Variants in ZNF644 observed in about 807,000 individuals in gnomAD.
ZNF644 encodes zinc finger protein 644, also known as zinc finger motif enhancer binding protein 2.
A neutral mutation model predicts 108.0 loss-of-function variants in ZNF644; 20 were observed. The observed-to-expected ratio is 0.19, with a 90% CI of 0.13 to 0.27. The LOEUF is 0.27. ZNF644 is among the 10% of genes least tolerant of loss of function. The pLI, the probability that ZNF644 is intolerant of heterozygous loss-of-function variation, is 1.00. For missense variants in ZNF644, 1,338 were observed against 1,548.9 expected (o/e 0.86, Z 2.29); for synonymous variants, 542 against 539.1 (o/e 1.01, Z -0.08).
chr1:90,962,241 CATT>C (rs202091579), intron 2 of ZNF644, among the ~76,000 whole-genome samples: 4 of 147,402 alleles, frequency 2.7e-5, no homozygotes, highest in Admixed American at 6.7e-5. Flanking sequence ...GATATAAAGA[CATT>C]ATTATTATTA....
intron 2 of ZNF644, among the ~76,000 whole-genome samples, chr1:90,971,821 C>A (rs939590743): frequency 6.6e-6 from 1 of 152,160 alleles, no homozygotes; most frequent in South Asian, 2.1e-4. Context: ...AGTCTGACTG[C>A]TCTCCCAAGT....
chr1:90,937,129 G>A (rs963770992), intron 4 of ZNF644, among the ~76,000 whole-genome samples: 2 of 152,118 alleles, frequency 1.3e-5, no homozygotes, highest in Non-Finnish European at 2.9e-5. Context: ...ATAATGCTAT[G>A]CTTTTGAACA....
rs1659527631 is a variant in ZNF644, at chr1:91,007,225, G to GGT, written c.-18+14764_-18+14765insAC. 5.0e-4 allele frequency among the ~76,000 whole-genome samples: 28 copies of GGT among 55,998 alleles called. 1 individual carries two copies. The highest frequency in any genetic ancestry group is 1.8e-3 in the African/African-American group (23 of 13,136). 36.7% of individuals were successfully genotyped at this position (55,998 alleles called of 152,430 possible). A position where few individuals can be genotyped will look rare whatever the true frequency, so the allele number is the denominator to read the frequency against. ...AATTTCTTCCATTTTCTCCCATTTT[G>GGT]TTTTTTTTTTTTTTTTTTTTTTTTT... is the stretch of plus-strand genomic sequence containing the variant. On this transcript the variant is annotated intron_variant, in intron 1 of 5. Transcript: ENST00000337393.
intron 4 of ZNF644, among the ~76,000 whole-genome samples, chr1:90,929,844 T>C (rs1413111682): frequency 1.3e-5 from 2 of 152,236 alleles, no homozygotes; most frequent in Non-Finnish European, 2.9e-5. Flanking sequence ...GTAAATGGTA[T>C]GAAAAATAAA....
intron 4 of ZNF644, among the ~76,000 whole-genome samples, chr1:90,928,241 C>A (rs192267457): frequency 3.8e-4 from 57 of 151,984 alleles, no homozygotes; most frequent in Middle Eastern, 3.4e-3. Context: ...CAACCTGCAC[C>A]TCCCAGGTTC....
Position 90,918,032 on chromosome 1 carries a change from T to G in ZNF644, c.3791+20A>C, listed in dbSNP as rs2448020. On this transcript the variant is annotated intron_variant, in intron 5 of 5. Coordinates refer to ENST00000337393, the MANE Select transcript of ZNF644 (RefSeq NM_201269.3). ...CAAAGTATGAAGAAACTGATCAGAT[T>G]TGGCAATATAGGCATATACCTGCAT... 0.13 allele frequency: 202,480 copies of G among 1,587,532 alleles called. 13,560 individuals are homozygous for G. The highest frequency in any genetic ancestry group is 0.16 in the Middle Eastern group (958 of 6,014).
intron 2 of ZNF644, among the ~76,000 whole-genome samples, chr1:90,974,372 G>A (rs576340552): frequency 2.0e-4 from 31 of 152,064 alleles, no homozygotes; most frequent in Non-Finnish European, 4.0e-4. Flanking sequence ...TCACGCTGAT[G>A]ATTCTCACAT....
intron 1 of ZNF644, among the ~76,000 whole-genome samples, chr1:90,998,547 C>T (rs993391114): frequency 6.6e-6 from 1 of 152,186 alleles, no homozygotes; most frequent in Non-Finnish European, 1.5e-5. Context: ...CCCATCTCTA[C>T]GTCATCTACA....
At chr1:90,932,384 G>T (rs1480546908) in intron 4 of ZNF644, among the ~76,000 whole-genome samples, 1 of 152,072 alleles carries the variant, frequency 6.6e-6, no homozygotes, top group South Asian at 2.1e-4. Flanking sequence ...ACACATACTG[G>T]ACATGGTTAG....
intron 2 of ZNF644, among the ~76,000 whole-genome samples, chr1:90,979,507 A>T (rs1475084129): frequency 6.6e-6 from 1 of 152,192 alleles, no homozygotes; most frequent in Non-Finnish European, 1.5e-5. Flanking sequence ...TAGTTTATAT[A>T]TGCTACATTA....
At chr1:90,969,455 T>C (rs756420001) in intron 2 of ZNF644, among the ~76,000 whole-genome samples, 2 of 152,222 alleles carry the variant, frequency 1.3e-5, no homozygotes, top group African/African-American at 2.4e-5. Flanking sequence ...TTCAATTACC[T>C]AGTCAACTAT....
intron 1 of ZNF644, among the ~76,000 whole-genome samples, chr1:91,003,450 C>G (rs1244738638): frequency 6.6e-6 from 1 of 151,800 alleles, no homozygotes; most frequent in Non-Finnish European, 1.5e-5. Flanking sequence ...CAAACACCAC[C>G]TGTTCTCACT....
chr1:91,001,705 G>T (rs1431583440), intron 1 of ZNF644, among the ~76,000 whole-genome samples: 5 of 152,166 alleles, frequency 3.3e-5, no homozygotes, highest in African/African-American at 4.8e-5. Context: ...GCAGGAGAAA[G>T]AAATAAGGGG....
At chr1:91,000,933 A>G (rs1658710829) in intron 1 of ZNF644, among the ~76,000 whole-genome samples, 1 of 152,258 alleles carries the variant, frequency 6.6e-6, no homozygotes, top group Admixed American at 6.5e-5. Context: ...TAGAAAATCT[A>G]GAAGAAATGG....
chr1:90,951,058 A>T (rs951464338), intron 2 of ZNF644, among the ~76,000 whole-genome samples: 2 of 152,168 alleles, frequency 1.3e-5, no homozygotes, highest in African/African-American at 4.8e-5. Context: ...CTCACACCTC[A>T]TATCTAAACC....
chr1:90,972,460 A>G (rs993380899), intron 2 of ZNF644, among the ~76,000 whole-genome samples: 6 of 152,200 alleles, frequency 3.9e-5, no homozygotes, highest in African/African-American at 1.4e-4. Context: ...AACAAAAAAC[A>G]AAATGTCAAG....
intron 1 of ZNF644, among the ~76,000 whole-genome samples, chr1:90,983,382 A>T (rs1656757454): frequency 6.6e-6 from 1 of 151,774 alleles, no homozygotes; most frequent in Admixed American, 6.6e-5. Flanking sequence ...GAACATTAAA[A>T]GTCTATTATA....
intron 1 of ZNF644, among the ~76,000 whole-genome samples, chr1:90,986,642 T>A (rs1657128586): frequency 6.6e-6 from 1 of 152,034 alleles, no homozygotes; most frequent in South Asian, 2.1e-4. Flanking sequence ...AAAGAATGTC[T>A]ATTAATTTTC....
chr1:90,924,976 TAA>T (rs1166240366), intron 4 of ZNF644, among the ~76,000 whole-genome samples: 3 of 152,240 alleles, frequency 2.0e-5, no homozygotes, highest in Non-Finnish European at 4.4e-5. Flanking sequence ...ATTATTTCCG[TAA>T]AGTCAATTAA....
Sources: gnomAD v4.1 joint callset for allele counts (sites outside exome capture counted in the v4.1 genomes callset) on GRCh38, gnomAD v4.1.1 for gene constraint, MANE v1.5 for transcripts, NCBI Gene and HGNC (gene_info 2026-07-23, HGNC 2026-07-21) for gene names.